The following LPAR3 variants were observed in gnomAD, a reference collection of about 807,000 sequenced individuals.
LPAR3 encodes the protein LPA receptor 3.
LPAR3 carries 7 observed loss-of-function variants against 17.8 expected under a neutral mutation model. That is an observed-to-expected ratio of 0.39 (90% CI 0.22 to 0.74). The LOEUF (loss-of-function observed/expected upper bound fraction) is 0.74. Among genes scored for constraint, LPAR3 ranks in the 30% least tolerant of loss-of-function variants. The probability of loss-of-function intolerance (pLI) is 0.40; values close to 1 mark genes in which losing one functional copy is unlikely to be tolerated. For synonymous variants in LPAR3, 179 were observed against 179.9 expected (o/e 0.99, Z 0.04); for missense variants, 391 against 453.4 (o/e 0.86, Z 1.25).
chr1:84,846,136 G>A (rs1298993985), intron 2 of LPAR3, among the ~76,000 whole-genome samples: 1 of 152,060 alleles, frequency 6.6e-6, no homozygotes, highest in African/African-American at 2.4e-5. Flanking sequence ...ATAAATTCAA[G>A]ATTGTAAGTT....
intron 2 of LPAR3, among the ~76,000 whole-genome samples, chr1:84,857,398 C>G (rs1237169676): frequency 2.0e-5 from 3 of 152,164 alleles, no homozygotes; most frequent in Non-Finnish European, 2.9e-5. Context: ...AACTAAGGCA[C>G]AGACAGGTGA....
chr1:84,841,732 AG>A (rs1029059554), intron 2 of LPAR3, among the ~76,000 whole-genome samples: 1 of 152,198 alleles, frequency 6.6e-6, no homozygotes, highest in Non-Finnish European at 1.5e-5. Context: ...AACACAGGTG[AG>A]GCTCCTGACA....
chr1:84,817,073 A>G (rs1658946754), intron 2 of LPAR3, among the ~76,000 whole-genome samples: 1 of 152,128 alleles, frequency 6.6e-6, no homozygotes, highest in Non-Finnish European at 1.5e-5. Context: ...CATATTTGTT[A>G]ATGCTGAGAA....
At chr1:84,885,636 G>A (rs1660446931) in intron 1 of LPAR3, among the ~76,000 whole-genome samples, 1 of 152,184 alleles carries the variant, frequency 6.6e-6, no homozygotes, top group African/African-American at 2.4e-5. Context: ...GGTACATAGA[G>A]ACATGAGCTA....
intron 2 of LPAR3, among the ~76,000 whole-genome samples, chr1:84,845,199 T>C (rs566388134): frequency 6.6e-6 from 1 of 152,266 alleles, no homozygotes; most frequent in Admixed American, 6.5e-5. Context: ...ATAAAATCAA[T>C]GGGAAGAACA....
chr1:84,846,299 C>T (rs1659594219), intron 2 of LPAR3, among the ~76,000 whole-genome samples: 2 of 152,174 alleles, frequency 1.3e-5, no homozygotes, highest in African/African-American at 4.8e-5. Flanking sequence ...ATTTGTGTTT[C>T]CTTGAAAGTT....
intron 2 of LPAR3, among the ~76,000 whole-genome samples, chr1:84,836,004 G>GC: frequency 9.7e-6 from 1 of 102,596 alleles, no homozygotes; most frequent in Admixed American, 1.1e-4. Context: ...CCCAACCCCG[G>GC]CCTTTTTTTT....
intron 1 of LPAR3, among the ~76,000 whole-genome samples, chr1:84,866,758 C>T (rs1660058317): frequency 6.6e-6 from 1 of 152,144 alleles, no homozygotes; most frequent in Non-Finnish European, 1.5e-5. Flanking sequence ...CCTCCTTTTG[C>T]CATCTTTTGG....
At chr1:84,887,362 T>G in intron 1 of LPAR3, among the ~76,000 whole-genome samples, 1 of 147,500 alleles carries the variant, frequency 6.8e-6, no homozygotes, top group African/African-American at 2.5e-5. Flanking sequence ...GGCAACAGAG[T>G]GAGACCTTGT....
At chr1:84,818,297 A>T (rs145724616) in intron 2 of LPAR3, among the ~76,000 whole-genome samples, 1 of 152,248 alleles carries the variant, frequency 6.6e-6, no homozygotes, top group African/African-American at 2.4e-5. Flanking sequence ...TTATCGTATT[A>T]TGACAAAAAG....
At chr1:84,855,843 G>A (rs1570886177) in intron 2 of LPAR3, among the ~76,000 whole-genome samples, 1 of 152,178 alleles carries the variant, frequency 6.6e-6, no homozygotes, top group Non-Finnish European at 1.5e-5. Flanking sequence ...GGTAACAAAT[G>A]GCTACATATG....
At chr1:84,859,446 T>C (rs1042741798) in intron 2 of LPAR3, among the ~76,000 whole-genome samples, 2 of 152,214 alleles carry the variant, frequency 1.3e-5, no homozygotes, top group Admixed American at 6.5e-5. Context: ...TAATGTTTCA[T>C]ATTTTAAAAG....
At chr1:84,826,617 CAA>C (rs5775801) in intron 2 of LPAR3, among the ~76,000 whole-genome samples, 24 of 143,098 alleles carry the variant, frequency 1.7e-4, no homozygotes, top group South Asian at 1.3e-3. Flanking sequence ...TGTTTTTAAC[CAA>C]AAAAAAAAAC....
chr1:84,863,609 C>T (rs554256024), intron 2 of LPAR3, among the ~76,000 whole-genome samples: 4 of 152,286 alleles, frequency 2.6e-5, no homozygotes, highest in Non-Finnish European at 4.4e-5. Context: ...TCCACATTCA[C>T]GTTCATGGTG....
intron 2 of LPAR3, among the ~76,000 whole-genome samples, chr1:84,820,215 G>A (rs1003502882): frequency 6.6e-6 from 1 of 152,128 alleles, no homozygotes; most frequent in Non-Finnish European, 1.5e-5. Flanking sequence ...CTATACTAGA[G>A]GTAGTTTTTA....
intron 2 of LPAR3, among the ~76,000 whole-genome samples, chr1:84,861,547 T>C (rs1027840281): frequency 4.6e-5 from 7 of 152,256 alleles, no homozygotes; most frequent in African/African-American, 1.7e-4. Context: ...TGAGGGAATC[T>C]AACCAAGAAA....
At chr1:84,817,579 C>A (rs1464913427) in intron 2 of LPAR3, among the ~76,000 whole-genome samples, 1 of 152,166 alleles carries the variant, frequency 6.6e-6, no homozygotes, top group Non-Finnish European at 1.5e-5. Flanking sequence ...AAGGCAACAT[C>A]TCTGAAGTAC....
intron 2 of LPAR3, among the ~76,000 whole-genome samples, chr1:84,863,024 T>G (rs1260469420): frequency 7.3e-5 from 11 of 151,542 alleles, no homozygotes. Context: ...AAACCACATG[T>G]CTTCTTGGTA....
At chr1:84,886,353 C>A (rs1660460842) in intron 1 of LPAR3, among the ~76,000 whole-genome samples, 1 of 152,056 alleles carries the variant, frequency 6.6e-6, no homozygotes, top group South Asian at 2.1e-4. Flanking sequence ...AGCAAGACCC[C>A]TCCTCTAAAA....
Sources: gnomAD v4.1 joint callset for allele counts (sites outside exome capture counted in the v4.1 genomes callset) on GRCh38, gnomAD v4.1.1 for gene constraint, MANE v1.5 for transcripts, NCBI Gene and HGNC (gene_info 2026-07-23, HGNC 2026-07-21) for gene names.